Variants in AMZ1 observed in about 807,000 individuals in gnomAD.
AMZ1 encodes archaelysin family metallopeptidase 1.
AMZ1 carries 39 observed loss-of-function variants against 29.9 expected under a neutral mutation model. The observed-to-expected ratio is 1.30, with a 90% CI of 1.01 to 1.70. AMZ1 has a LOEUF of 1.70. Ranked by LOEUF, AMZ1 falls within the 40% of genes most tolerant of loss-of-function variation. AMZ1 has a pLI of 0.00. For synonymous variants in AMZ1, 458 were observed against 304.0 expected (o/e 1.51, Z -5.27); for missense variants, 1,041 against 680.6 (o/e 1.53, Z -5.89).
At chr7:2,685,210 G>GT (rs1554243897), upstream of AMZ1, among the ~76,000 whole-genome samples, 2 of 151,916 alleles carry the variant, frequency 1.3e-5, no homozygotes, top group Non-Finnish European at 2.9e-5. Flanking sequence ...AGGGAGGGGC[G>GT]TGGGGGTTGG....
In AMZ1 at chr7:2,709,175, C is replaced by T. The variant is rs760124282; in HGVS notation, c.702C>T (p.Pro234=). Residue 234 remains proline, a synonymous_variant, in exon 5 of 7, where the codon CCC becomes CCT. Transcript: ENST00000683327. The stretch of plus-strand genomic sequence containing the variant: ...TGGTAGAGGCAGCAGCAGACGGCCC[C>T]GAGGCCCCCCTGCAGGACAGGGGCT... ...LALVEAAADG[P]EAPLQDRGWA... is the part of the protein sequence containing the mutation. 134 of 1,545,446 alleles carry T rather than the reference C, an allele frequency of 8.7e-5. No individual in the cohort carries two copies. The South Asian group carries it at 9.0e-4, about 10-fold the overall frequency.
At chr7:2,757,410 G>A (rs1791356988) in intron 4 of AMZ1, among the ~76,000 whole-genome samples, 1 of 152,164 alleles carries the variant, frequency 6.6e-6, no homozygotes, top group South Asian at 2.1e-4. Flanking sequence ...TTATGAGGAG[G>A]AGCCACGTGG....
chr7:2,730,167 C>G (rs1460610170), intron 4 of AMZ1: 1 of 152,398 alleles, frequency 6.6e-6, no homozygotes, highest in Admixed American at 6.5e-5. Flanking sequence ...TTAACAAAAG[C>G]TCTGCTAGTG....
chr7:2,710,255 C>T (rs536032521), intron 6 of AMZ1, among the ~76,000 whole-genome samples: 221 of 152,338 alleles, frequency 1.5e-3, no homozygotes, highest in Middle Eastern at 3.4e-3. Context: ...TTGGAGGTGG[C>T]CTCCATTCCT....
intron 3 of AMZ1, among the ~76,000 whole-genome samples, chr7:2,707,359 A>G (rs961570904): frequency 6.6e-6 from 1 of 151,822 alleles, no homozygotes; most frequent in South Asian, 2.1e-4. Flanking sequence ...CTCCTTGGAA[A>G]ACACTTCTCC....
At chr7:2,737,193 C>T (rs1230093289) in intron 4 of AMZ1, among the ~76,000 whole-genome samples, 1 of 149,940 alleles carries the variant, frequency 6.7e-6, no homozygotes. Flanking sequence ...AAACAAACAC[C>T]AACTTCCAGC....
intron 6 of AMZ1, 122 bp downstream of exon 6, chr7:2,709,938 A>C: frequency 7.4e-7 from 1 of 1,349,120 alleles, no homozygotes; most frequent in Non-Finnish European, 1.0e-6. Flanking sequence ...GCCGGGTTCC[A>C]GGCAGTGCAG....
intron 3 of AMZ1, among the ~76,000 whole-genome samples, chr7:2,705,271 G>T (rs559833882): frequency 9.2e-5 from 14 of 152,140 alleles, no homozygotes; most frequent in African/African-American, 3.4e-4. Flanking sequence ...TCCCTCCCAG[G>T]GCAGGAAGCA....
downstream of AMZ1, among the ~76,000 whole-genome samples, chr7:2,719,808 G>C (rs1027158873): frequency 3.3e-5 from 5 of 151,690 alleles, no homozygotes; most frequent in African/African-American, 7.3e-5. Context: ...AGCCTCCCAC[G>C]TAGATGGGAT....
intron 1 of AMZ1, chr7:2,765,000 A>G (rs1233326425): frequency 6.6e-6 from 1 of 152,240 alleles, no homozygotes; most frequent in Non-Finnish European, 1.5e-5. Flanking sequence ...TTGTATTATA[A>G]TGAAAATGAA....
chr7:2,753,223 T>C (rs954280687), intron 4 of AMZ1, among the ~76,000 whole-genome samples: 4 of 152,076 alleles, frequency 2.6e-5, no homozygotes, highest in Non-Finnish European at 5.9e-5. Flanking sequence ...GGCATGATCA[T>C]GGCTCACTGC....
chr7:2,709,742 C>G lies in AMZ1; in HGVS notation c.874C>G (p.Pro292Ala), dbSNP rs746068489. Residue 292 changes from proline to alanine, a missense_variant, in exon 6 of 7, where the codon CCC becomes GCC. Physicochemically the swap from Pro to Ala is conservative, Grantham distance 27 (BLOSUM62 -1). Coordinates refer to ENST00000683327, the MANE Select transcript of AMZ1 (RefSeq NM_001384743.1). ...CAGCCTGGACGAGGCCCTGCGGCGG[C>G]CCCTGGACCTCTGTCCCATCTGCCT... ...ALSLDEALRR[P>A]LDLCPICLRK... The G allele has an allele frequency of 6.2e-7, 1 of 1,611,360 alleles. No homozygotes were observed. The highest frequency in any genetic ancestry group is 8.5e-7 in the Non-Finnish European group (1 of 1,179,864).
chr7:2,709,169 CGGCCCCG>C lies in AMZ1; in HGVS notation c.697_703del (p.Gly233ArgfsTer66), dbSNP rs764437978. ...TGGCCCTGGTAGAGGCAGCAGCAGA[CGGCCCCG>C]AGGCCCCCCTGCAGGACAGGGGCTG... On this transcript the variant is annotated frameshift_variant, in exon 5 of 7. Coordinates refer to ENST00000683327, the MANE Select transcript of AMZ1 (RefSeq NM_001384743.1). LOFTEE classifies it high-confidence loss of function. 4.9e-5 allele frequency: 76 copies of C among 1,555,930 alleles called. No individual in the cohort carries two copies. In the African/African-American group the frequency reaches 1.0e-3, roughly 21 times the overall value.
At chr7:2,736,490 C>T (rs1431699856) in intron 4 of AMZ1, among the ~76,000 whole-genome samples, 2 of 152,208 alleles carry the variant, frequency 1.3e-5, no homozygotes, top group Non-Finnish European at 2.9e-5. Context: ...TCACGAGCAA[C>T]AGAAGGGATG....
upstream of AMZ1, chr7:2,764,517 T>C (rs979451778): frequency 1.6e-4 from 24 of 152,236 alleles, no homozygotes; most frequent in African/African-American, 5.3e-4. Context: ...TCACAGTGGT[T>C]GTGGTCGGGC....
Position 2,712,767 on chromosome 7 carries a change from G to A in AMZ1, c.1386G>A (p.Gly462=). 6.3e-7 allele frequency: 1 copy of A among 1,594,512 alleles called. No individual in the cohort carries two copies. The highest frequency in any genetic ancestry group is 8.6e-7 in the Non-Finnish European group (1 of 1,168,826). Reference sequence around the variant, plus strand: ...CACCCAGCAGCAGGGACAGCGTGGGGCTGCGCAAGGTGCTGGGGGACAAGT... The same window carrying A: ...CACCCAGCAGCAGGGACAGCGTGGGACTGCGCAAGGTGCTGGGGGACAAGT... ...QDPPSSRDSV[G]LRKVLGDKFS... Residue 462 remains glycine (G), a synonymous_variant, in exon 7 of 7, where the codon GGG becomes GGA. Coordinates refer to ENST00000683327, the MANE Select transcript of AMZ1 (RefSeq NM_001384743.1).
intron 4 of AMZ1, among the ~76,000 whole-genome samples, chr7:2,757,995 G>C (rs1256487515): frequency 1.3e-5 from 2 of 152,292 alleles, no homozygotes; most frequent in East Asian, 3.9e-4. Flanking sequence ...GGTTAACACA[G>C]AACACAAGCT....
chr7:2,764,405 G>A (rs1446938589), upstream of AMZ1, among the ~76,000 whole-genome samples: 1 of 152,236 alleles, frequency 6.6e-6, no homozygotes. Context: ...TATTCACACA[G>A]AAGTACATCT....
rs758369709 is a variant in AMZ1, at chr7:2,731,530, C to T, written n.550+21714C>T. ...CATGGACTCCACCAGCCGGTTGGTGCGCCTGTCCTCCATGAGGACCTGGTC... is the reference window on the plus strand; with the variant it reads ...CATGGACTCCACCAGCCGGTTGGTGTGCCTGTCCTCCATGAGGACCTGGTC... On this transcript the variant is annotated intron_variant and non_coding_transcript_variant, in intron 4 of 4. Transcript: ENST00000489665. The surrounding 1 kb of genome is among the most constrained non-coding windows in gnomAD (Gnocchi z 6.0). 60 of 1,610,958 alleles carry T rather than the reference C, an allele frequency of 3.7e-5. No individual in the cohort carries two copies. The highest frequency in any genetic ancestry group is 4.7e-5 in the Non-Finnish European group (55 of 1,177,894).
Sources: allele counts gnomAD v4.1 joint callset (sites outside exome capture counted in the v4.1 genomes callset), GRCh38; gene constraint gnomAD v4.1.1; non-coding constraint Gnocchi (gnomAD v3.1); transcripts MANE v1.5; gene names NCBI Gene and HGNC (gene_info 2026-07-23, HGNC 2026-07-21).